The following TENM3 variants were observed in gnomAD, a reference collection of about 807,000 sequenced individuals.
TENM3 encodes the protein teneurin-3.
TENM3 carries 63 observed loss-of-function variants against 255.1 expected under a neutral mutation model. That is an observed-to-expected ratio of 0.25 (90% CI 0.20 to 0.30). The LOEUF is 0.30. Among genes scored for constraint, TENM3 ranks in the 10% least tolerant of loss-of-function variants. TENM3 has a pLI of 1.00. For missense variants in TENM3, 2,929 were observed against 3,461.1 expected (o/e 0.85, Z 3.86); for synonymous variants, 1,306 against 1,322.3 (o/e 0.99, Z 0.27).
chr4:182,727,206 A>G (rs952304231), intron 13 of TENM3, among the ~76,000 whole-genome samples: 3 of 152,188 alleles, frequency 2.0e-5, no homozygotes, highest in African/African-American at 7.2e-5. Context: ...CTATAATCCC[A>G]GCACTTTGAG....
the TENM3 span, among the ~76,000 whole-genome samples, chr4:181,481,418 G>A: frequency 6.6e-6 from 1 of 152,038 alleles, no homozygotes; most frequent in Admixed American, 6.6e-5. Context: ...ATATATGAGG[G>A]TATTTAAGTA....
chr4:181,960,742 G>A, the TENM3 span, among the ~76,000 whole-genome samples: 1 of 152,158 alleles, frequency 6.6e-6, no homozygotes, highest in Non-Finnish European at 1.5e-5. Context: ...GTCATCAACT[G>A]CCCGTAAAAT....
Position 182,147,947 on chromosome 4 carries a change from T to C in TENM3, c.-76+3193T>C, listed in dbSNP as rs1051384214. ...AAAATTATTTTACGTAAGCTTCTTT[T>C]AGAATACATTTAAAACTTATTTTTG... is the stretch of plus-strand genomic sequence containing the variant. On this transcript the variant is annotated intron_variant, in intron 1 of 2. Coordinates refer to the TENM3 transcript ENST00000512480. 1.2e-4 allele frequency among the ~76,000 whole-genome samples: 18 copies of C among 152,292 alleles called. No homozygotes were observed. In the South Asian group the frequency reaches 1.7e-3, roughly 14 times the overall value.
At chr4:182,634,982 A>G (rs1172238518) in intron 5 of TENM3, among the ~76,000 whole-genome samples, 1 of 152,188 alleles carries the variant, frequency 6.6e-6, no homozygotes, top group Non-Finnish European at 1.5e-5. Flanking sequence ...AATGCTTGGG[A>G]TGACGCCAAT....
the TENM3 span, among the ~76,000 whole-genome samples, chr4:181,482,280 C>A: frequency 6.6e-6 from 1 of 152,218 alleles, no homozygotes; most frequent in Non-Finnish European, 1.5e-5. Flanking sequence ...GGCCGAAAAT[C>A]AGTCTCACAC....
intron 3 of TENM3, among the ~76,000 whole-genome samples, chr4:182,376,518 A>T (rs771222726): frequency 6.6e-6 from 1 of 152,204 alleles, no homozygotes; most frequent in South Asian, 2.1e-4. Flanking sequence ...TATTTACCTC[A>T]AGTTTAAATA....
chr4:182,608,624 C>G (rs888087406), intron 4 of TENM3, among the ~76,000 whole-genome samples: 3 of 152,138 alleles, frequency 2.0e-5, no homozygotes, highest in East Asian at 1.9e-4. Flanking sequence ...TGCAGCCGCC[C>G]GGTCTGCAGG....
At chr4:181,502,845 C>T in the TENM3 span, among the ~76,000 whole-genome samples, 2 of 152,170 alleles carry the variant, frequency 1.3e-5, no homozygotes, top group South Asian at 2.1e-4. Flanking sequence ...GGTGTGCTGC[C>T]GACAATAAAG....
At chr4:182,738,241 T>G (rs1264288019) in intron 17 of TENM3, among the ~76,000 whole-genome samples, 160 bp from the exon 18 acceptor site, 5 of 152,174 alleles carry the variant, frequency 3.3e-5, no homozygotes, top group Admixed American at 2.6e-4. Context: ...AAAAAATCTT[T>G]GGTGAAATCT....
At chr4:182,534,616 T>C (rs1422028620) in intron 3 of TENM3, among the ~76,000 whole-genome samples, 1 of 152,204 alleles carries the variant, frequency 6.6e-6, no homozygotes, top group African/African-American at 2.4e-5. Flanking sequence ...TGGGGCATAG[T>C]ATTATTTTTC....
At chr4:182,126,971 G>A in the TENM3 span, among the ~76,000 whole-genome samples, 2 of 152,136 alleles carry the variant, frequency 1.3e-5, no homozygotes, top group Non-Finnish European at 2.9e-5. Context: ...GCAAAGTGTG[G>A]CCTTCTTAAG....
the TENM3 span, among the ~76,000 whole-genome samples, chr4:181,853,207 C>T: frequency 1.3e-5 from 2 of 152,222 alleles, no homozygotes; most frequent in Non-Finnish European, 2.9e-5. Flanking sequence ...CTCTCCTGGA[C>T]ATGAGTTAGA....
At chr4:181,739,544 T>A in the TENM3 span, among the ~76,000 whole-genome samples, 1 of 152,158 alleles carries the variant, frequency 6.6e-6, no homozygotes, top group Admixed American at 6.6e-5. Flanking sequence ...AGCCTGCAAG[T>A]CCCACCTCTC....
At chr4:181,993,827 T>C in the TENM3 span, among the ~76,000 whole-genome samples, 1 of 152,078 alleles carries the variant, frequency 6.6e-6, no homozygotes, top group Admixed American at 6.6e-5. Context: ...GAGCAAGACA[T>C]ATACTTAAGA....
intron 1 of TENM3, among the ~76,000 whole-genome samples, chr4:182,263,942 T>A (rs1306959419): frequency 2.0e-5 from 3 of 152,034 alleles, no homozygotes; most frequent in Admixed American, 1.3e-4. Context: ...GAAAAAAAAA[T>A]AATTTTCCTT....
chr4:181,851,651 C>T, the TENM3 span, among the ~76,000 whole-genome samples: 3 of 152,222 alleles, frequency 2.0e-5, no homozygotes, highest in South Asian at 4.2e-4. Flanking sequence ...CACACGCACA[C>T]ACACTCATGC....
intron 1 of TENM3, among the ~76,000 whole-genome samples, chr4:182,157,631 T>A (rs1280631640): frequency 6.6e-6 from 1 of 151,024 alleles, no homozygotes; most frequent in Admixed American, 6.6e-5. Flanking sequence ...AGTCTATGGT[T>A]CTATTGTTTG....
the TENM3 span, among the ~76,000 whole-genome samples, chr4:181,482,907 T>C: frequency 6.6e-6 from 1 of 152,122 alleles, no homozygotes; most frequent in Non-Finnish European, 1.5e-5. Context: ...TGACATACGG[T>C]GTTCGGCCGA....
intron 13 of TENM3, among the ~76,000 whole-genome samples, chr4:182,725,415 A>G (rs765917638): frequency 1.6e-4 from 25 of 152,058 alleles, no homozygotes; most frequent in South Asian, 2.1e-4. Context: ...CTATGCTTCT[A>G]TTTCTTTGAG....
Sources: allele counts gnomAD v4.1 joint callset (sites outside exome capture counted in the v4.1 genomes callset), GRCh38; gene constraint gnomAD v4.1.1; transcripts MANE v1.5; gene names NCBI Gene and HGNC (gene_info 2026-07-23, HGNC 2026-07-21).